Variants in MTUS1 observed in about 807,000 individuals in gnomAD.
MTUS1 encodes the protein microtubule-associated tumor suppressor 1.
Under a neutral mutation model 120.8 loss-of-function variants are expected in MTUS1, and 109 were observed. The ratio of observed to expected loss-of-function variants is 0.90; its 90% CI spans 0.77 to 1.06. The LOEUF (loss-of-function observed/expected upper bound fraction) is 1.06, where lower values mean the gene tolerates loss of function less well. Ranked by LOEUF, MTUS1 falls within the 50% of genes least tolerant of loss-of-function variation. The pLI is 0.00. For synonymous variants in MTUS1, 737 were observed against 550.5 expected (o/e 1.34, Z -4.74); for missense variants, 2,210 against 1,486.3 (o/e 1.49, Z -8.01).
intron 1 of MTUS1, among the ~76,000 whole-genome samples, chr8:17,775,516 G>C (rs1479192007): frequency 2.0e-5 from 3 of 152,222 alleles, no homozygotes; most frequent in Non-Finnish European, 2.9e-5. Context: ...TTCTAAGCTA[G>C]ATGGTCGCAC....
Position 17,753,952 on chromosome 8 carries a change from C to T in MTUS1, c.1856G>A (p.Ser619Asn), listed in dbSNP as rs147931629. 87 of 1,614,184 alleles carry T rather than the reference C, an allele frequency of 5.4e-5. No homozygotes were observed. The East Asian group carries it at 8.0e-4, about 15-fold the overall frequency. ...KSNQEDVDKA[S>N]SSNSACETGS... ...GGTCTCGCATGCTGAGTTAGAAGAA[C>T]TGGCTTTGTCAACATCTTCCTGATT... The change falls in exon 2 of 15, where the codon AGT becomes AAT. Residue 619 changes from serine (S) to asparagine (N), a missense_variant. Coordinates refer to ENST00000693296, the MANE Select transcript of MTUS1 (RefSeq NM_001363059.2).
In MTUS1 at chr8:17,798,173, T is replaced by A. The variant is rs114485732; in HGVS notation, c.-155+2888A>T. On this transcript the variant is annotated intron_variant, in intron 1 of 14. Coordinates refer to ENST00000693296, the MANE Select transcript of MTUS1 (RefSeq NM_001363059.2). Reference sequence around the variant, plus strand: ...TCTGAAAAACATTCAGTCTTAGGGATTTAAAACTTTCTGCTCTGATTTCAA... The same window carrying A: ...TCTGAAAAACATTCAGTCTTAGGGAATTAAAACTTTCTGCTCTGATTTCAA... Among the ~76,000 whole-genome samples, 101 of 152,334 alleles carry A rather than the reference T, an allele frequency of 6.6e-4. 1 individual carries two copies. Among genetic ancestry groups the A allele is most frequent in the African/African-American group, 2.3e-3 (95 of 41,574 alleles).
In MTUS1 at chr8:17,736,884, T is replaced by C. The variant is rs77574991; in HGVS notation, c.2287+6720A>G. On this transcript the variant is annotated intron_variant, in intron 3 of 14. Transcript: ENST00000693296. ...ATAGGCGTGAGCCACCATGTTTGGCTCTTTCTCTTTTATTTTTGGATTCAT... is the reference window on the plus strand; with the variant it reads ...ATAGGCGTGAGCCACCATGTTTGGCCCTTTCTCTTTTATTTTTGGATTCAT... 9.9e-5 allele frequency among the ~76,000 whole-genome samples: 15 copies of C among 152,142 alleles called. No homozygotes were observed. In the East Asian group the frequency reaches 2.9e-3, roughly 29 times the overall value.
intron 4 of MTUS1, 188 bp downstream of exon 4, chr8:17,723,484 A>G: frequency 3.0e-6 from 2 of 667,490 alleles, no homozygotes; most frequent in Non-Finnish European, 5.4e-6. Flanking sequence ...ACTTTAACAC[A>G]TAATTATTTC....
intron 8 of MTUS1, chr8:17,674,932 C>A: frequency 4.0e-6 from 5 of 1,265,640 alleles, no homozygotes; most frequent in East Asian, 3.0e-5. Context: ...TCCCTCTCTT[C>A]AGCAAGAGAA....
At chr8:17,784,444 C>T (rs1359258264) in intron 1 of MTUS1, among the ~76,000 whole-genome samples, 1 of 152,060 alleles carries the variant, frequency 6.6e-6, no homozygotes, top group East Asian at 1.9e-4. Context: ...TACAGGTGCG[C>T]ACCACCATGC....
At chr8:17,711,222 T>G (rs1415846156) in intron 6 of MTUS1, among the ~76,000 whole-genome samples, 1 of 152,238 alleles carries the variant, frequency 6.6e-6, no homozygotes, top group Non-Finnish European at 1.5e-5. Flanking sequence ...AGGCACTGAC[T>G]TCTCCTGTTT....
chr8:17,721,358 A>T (rs549161141), intron 4 of MTUS1, among the ~76,000 whole-genome samples: 8 of 152,354 alleles, frequency 5.3e-5, no homozygotes, highest in Non-Finnish European at 1.2e-4. Context: ...TTTTAATTTT[A>T]GAAAAGTATT....
chr8:17,673,152 G>A (rs940052115), intron 8 of MTUS1, among the ~76,000 whole-genome samples: 2 of 152,168 alleles, frequency 1.3e-5, no homozygotes, highest in Non-Finnish European at 2.9e-5. Flanking sequence ...AAAGCAAGTT[G>A]GGTTGGTCAT....
chr8:17,685,085 G>A (rs117958601), intron 6 of MTUS1, among the ~76,000 whole-genome samples: 2 of 152,102 alleles, frequency 1.3e-5, no homozygotes, highest in East Asian at 1.9e-4. Context: ...AACATACATC[G>A]AAAATATACT....
chr8:17,680,082 T>A (rs968405341), intron 7 of MTUS1, among the ~76,000 whole-genome samples: 6 of 151,930 alleles, frequency 3.9e-5, no homozygotes, highest in Non-Finnish European at 8.8e-5. Context: ...ATCTCTAATA[T>A]AACACAGACA....
At chr8:17,737,297 A>G (rs139505017) in intron 3 of MTUS1, among the ~76,000 whole-genome samples, 3 of 152,344 alleles carry the variant, frequency 2.0e-5, no homozygotes, top group African/African-American at 7.2e-5. Context: ...TATCCCTACT[A>G]GGAGTTGTGG....
At chr8:17,682,413 G>C (rs988396993) in intron 7 of MTUS1, among the ~76,000 whole-genome samples, 2 of 151,422 alleles carry the variant, frequency 1.3e-5, no homozygotes, top group Non-Finnish European at 2.9e-5. Flanking sequence ...AGCTATTCGG[G>C]AGGCTGAGGA....
intron 3 of MTUS1, among the ~76,000 whole-genome samples, chr8:17,726,729 C>G (rs1454546294): frequency 6.6e-6 from 1 of 152,086 alleles, no homozygotes; most frequent in African/African-American, 2.4e-5. Flanking sequence ...GTTTTACTTG[C>G]TTTAGGAAGA....
At chr8:17,741,824 G>GT (rs1216482434) in intron 3 of MTUS1, among the ~76,000 whole-genome samples, 1 of 152,172 alleles carries the variant, frequency 6.6e-6, no homozygotes, top group African/African-American at 2.4e-5. Context: ...CCCTAGAAAG[G>GT]TAAGGGCTGT....
chr8:17,754,374 A>C lies in MTUS1; in HGVS notation c.1434T>G (p.Ser478Arg), dbSNP rs780519390. The C allele has an allele frequency of 2.2e-5, 36 of 1,613,844 alleles. No homozygotes were observed. Among genetic ancestry groups the C allele is most frequent in the Non-Finnish European group, 3.0e-5 (35 of 1,179,998 alleles). ...KEAPVNLCKP[S>R]LGKSTIKTNT... The stretch of plus-strand genomic sequence containing the variant: ...TCGTTTTGATTGTTGATTTTCCTAA[A>C]CTGGGTTTACACAGGTTCACAGGTG... The change falls in exon 2 of 15, where the codon AGT becomes AGG. Residue 478 changes from serine (S) to arginine (R), a missense_variant. Transcript: ENST00000693296.
chr8:17,645,653 T>A lies in MTUS1; in HGVS notation c.*273A>T. The A allele has an allele frequency of 3.1e-6, 1 of 323,268 alleles. No homozygotes were observed. Among genetic ancestry groups the A allele is most frequent in the Non-Finnish European group, 5.6e-6 (1 of 179,316 alleles). The allele number at this position is 323,268 out of a possible 1,614,324, so 20.0% of individuals were successfully genotyped here. A position where few individuals can be genotyped will look rare whatever the true frequency, so the allele number is the denominator to read the frequency against. ...GAAAAAGGCAATGAACAAGATGCTC[T>A]CGTTCTTTAAGTGCTTTGTGCAACA... On this transcript the variant is annotated 3_prime_UTR_variant, in exon 15 of 15. Transcript: ENST00000693296.
intron 2 of MTUS1, among the ~76,000 whole-genome samples, chr8:17,751,025 A>C (rs1310372721): frequency 6.6e-6 from 1 of 152,226 alleles, no homozygotes; most frequent in East Asian, 1.9e-4. Context: ...AACAGTAAAA[A>C]TTAACATCCG....
chr8:17,690,078 A>C (rs2130819877), intron 6 of MTUS1, among the ~76,000 whole-genome samples: 1 of 152,346 alleles, frequency 6.6e-6, no homozygotes, highest in Non-Finnish European at 1.5e-5. Context: ...TCAACAGAGG[A>C]AACAGACAAC....
Sources: allele counts gnomAD v4.1 joint callset (sites outside exome capture counted in the v4.1 genomes callset), GRCh38; gene constraint gnomAD v4.1.1; transcripts MANE v1.5; gene names NCBI Gene and HGNC (gene_info 2026-07-23, HGNC 2026-07-21).